Variants in STMN2 observed in about 807,000 individuals in gnomAD.
STMN2 encodes stathmin 2.
A neutral mutation model predicts 24.1 loss-of-function variants in STMN2; 2 were observed. That is an observed-to-expected ratio of 0.08 (90% CI 0.03 to 0.26). STMN2 has a LOEUF of 0.26. Among genes scored for constraint, STMN2 ranks in the 10% least tolerant of loss-of-function variants. The pLI, the probability that STMN2 is intolerant of heterozygous loss-of-function variation, is 1.00. For missense variants in STMN2, 114 were observed against 213.6 expected (o/e 0.53, Z 2.91); for synonymous variants, 83 against 77.5 (o/e 1.07, Z -0.37).
chr8:79,616,570 G>T, intron 1 of STMN2, among the ~76,000 whole-genome samples: 1 of 152,104 alleles, frequency 6.6e-6, no homozygotes, highest in East Asian at 1.9e-4. Context: ...TCTGTCTTCC[G>T]AACAAGCTCC....
intron 1 of STMN2, among the ~76,000 whole-genome samples, chr8:79,624,465 A>G (rs1249565539): frequency 9.4e-4 from 141 of 150,054 alleles, no homozygotes; most frequent in African/African-American, 3.2e-3. Context: ...AAAAAAAAAA[A>G]AAAAAAAAAA....
chr8:79,634,872 T>C (rs1045601997), intron 1 of STMN2, among the ~76,000 whole-genome samples: 1 of 152,090 alleles, frequency 6.6e-6, no homozygotes, highest in African/African-American at 2.4e-5. Flanking sequence ...ATACCCACTC[T>C]CCCTTGGGTT....
intron 1 of STMN2, among the ~76,000 whole-genome samples, chr8:79,625,805 A>C (rs1809639065): frequency 6.6e-6 from 1 of 152,084 alleles, no homozygotes; most frequent in Admixed American, 6.5e-5. Flanking sequence ...TAAAAATACA[A>C]AAATTAGCTG....
At chr8:79,661,970 G>A (rs1806511904) in intron 4 of STMN2, among the ~76,000 whole-genome samples, 1 of 152,050 alleles carries the variant, frequency 6.6e-6, no homozygotes, top group Admixed American at 6.6e-5. Context: ...TCATATGACA[G>A]AATTCCATAG....
rs777340176 is a variant in STMN2, at chr8:79,641,468, G to A, written c.206G>A (p.Arg69Gln). The A allele has an allele frequency of 3.1e-6, 5 of 1,613,988 alleles. No homozygotes were observed. The highest frequency in any genetic ancestry group is 4.2e-6 in the Non-Finnish European group (5 of 1,179,960). Residue 69 changes from arginine to glutamine, a missense_variant, in exon 3 of 5, where the codon CGA becomes CAA. Coordinates refer to ENST00000220876, the MANE Select transcript of STMN2 (RefSeq NM_007029.4). Reference sequence around the variant, plus strand: ...CCATCTCCTATCTCAGAAGCCCCACGAACTTTAGCTTCTCCAAAGAAGAAA... The same window carrying A: ...CCATCTCCTATCTCAGAAGCCCCACAAACTTTAGCTTCTCCAAAGAAGAAA... ...KPPSPISEAPRTLASPKKKDL... is the reference protein window; with the variant it reads ...KPPSPISEAPQTLASPKKKDL...
chr8:79,636,596 CA>C (rs1809964222), intron 1 of STMN2, among the ~76,000 whole-genome samples: 1 of 152,166 alleles, frequency 6.6e-6, no homozygotes, highest in Non-Finnish European at 1.5e-5. Context: ...CTATACTATG[CA>C]ATTGATCTCC....
chr8:79,628,209 G>A (rs146512968), intron 1 of STMN2, among the ~76,000 whole-genome samples: 1 of 151,744 alleles, frequency 6.6e-6, no homozygotes. Context: ...TGTCGCCCAG[G>A]CTGGAGTACA....
At chr8:79,636,356 G>A (rs527819683) in intron 1 of STMN2, among the ~76,000 whole-genome samples, 4 of 152,300 alleles carry the variant, frequency 2.6e-5, no homozygotes, top group South Asian at 2.1e-4. Context: ...ATTCCCAAAT[G>A]AGTACGTGGC....
chr8:79,621,024 G>T (rs993225383), intron 1 of STMN2: 4 of 985,170 alleles, frequency 4.1e-6, no homozygotes, highest in African/African-American at 1.7e-5. Flanking sequence ...CCTCTGTGGA[G>T]CTCTGCAACA....
chr8:79,627,190 CA>C (rs796331065), intron 1 of STMN2, among the ~76,000 whole-genome samples: 3 of 152,154 alleles, frequency 2.0e-5, no homozygotes, highest in African/African-American at 7.2e-5. Context: ...GCTGAATAAA[CA>C]AGAGAAAATA....
chr8:79,624,999 A>G (rs1809617623), intron 1 of STMN2, among the ~76,000 whole-genome samples: 1 of 152,184 alleles, frequency 6.6e-6, no homozygotes, highest in Non-Finnish European at 1.5e-5. Flanking sequence ...GATTTTTTAC[A>G]GCACTTTGAG....
Position 79,662,196 on chromosome 8 carries a change from G to T in STMN2, c.481-2619G>T, listed in dbSNP as rs1806516829. 2.0e-5 allele frequency among the ~76,000 whole-genome samples: 3 copies of T among 152,052 alleles called. No homozygotes were observed. The South Asian group carries it at 6.2e-4, about 32-fold the overall frequency. On this transcript the variant is annotated intron_variant, in intron 4 of 4. Transcript: ENST00000220876. ...CATCTTTTTTCATATAAAAGGCATA[G>T]CTGCATACAATGCTAAAATATTGTA...
chr8:79,657,863 A>T lies in STMN2; in HGVS notation c.480+2801A>T, dbSNP rs180920799. On this transcript the variant is annotated intron_variant, in intron 4 of 4. Transcript: ENST00000220876. The stretch of plus-strand genomic sequence containing the variant: ...TAAGACAAAGTTTTATATTGGAAGT[A>T]ATATTTAGCATTTTGTTTGAATGAA... Among the ~76,000 whole-genome samples, 130 of 152,376 alleles carry T rather than the reference A, an allele frequency of 8.5e-4. No homozygotes were observed. In the South Asian group the frequency reaches 0.016, roughly 18 times the overall value.
chr8:79,660,813 T>TC (rs983732172), intron 4 of STMN2, among the ~76,000 whole-genome samples: 1 of 151,428 alleles, frequency 6.6e-6, no homozygotes, highest in African/African-American at 2.4e-5. Context: ...CTCCCAACCT[T>TC]CCCCCACAAG....
At chr8:79,632,480 G>T (rs932474815) in intron 1 of STMN2, among the ~76,000 whole-genome samples, 1 of 152,214 alleles carries the variant, frequency 6.6e-6, no homozygotes, top group Non-Finnish European at 1.5e-5. Context: ...AAAGTGGAGA[G>T]GGAGTGTGCT....
At chr8:79,652,502 T>C (rs1477554672) in intron 3 of STMN2, among the ~76,000 whole-genome samples, 1 of 152,170 alleles carries the variant, frequency 6.6e-6, no homozygotes, top group East Asian at 1.9e-4. Context: ...TCAGGATCCC[T>C]GAATCCACTA....
chr8:79,649,794 G>C (rs982891980), intron 3 of STMN2, among the ~76,000 whole-genome samples: 1 of 152,142 alleles, frequency 6.6e-6, no homozygotes, highest in Non-Finnish European at 1.5e-5. Context: ...TTATGTACTA[G>C]TTACTCAAAT....
intron 1 of STMN2, among the ~76,000 whole-genome samples, chr8:79,616,375 G>T (rs1257007831): frequency 6.6e-6 from 1 of 152,092 alleles, no homozygotes; most frequent in East Asian, 1.9e-4. Context: ...ATCAAAAGTG[G>T]ATTTTTTAAA....
chr8:79,618,722 A>T (rs542811270), intron 1 of STMN2, among the ~76,000 whole-genome samples: 1 of 152,326 alleles, frequency 6.6e-6, no homozygotes, highest in South Asian at 2.1e-4. Context: ...ATTAGTCATG[A>T]TTAAAGATAA....
Sources: allele counts gnomAD v4.1 joint callset (sites outside exome capture counted in the v4.1 genomes callset), GRCh38; gene constraint gnomAD v4.1.1; transcripts MANE v1.5; gene names NCBI Gene and HGNC (gene_info 2026-07-23, HGNC 2026-07-21).